The following ATP2C1 variants were observed in gnomAD, a reference collection of about 807,000 sequenced individuals.
ATP2C1 encodes the protein calcium-transporting ATPase type 2C member 1.
In ATP2C1, 31 loss-of-function variants were observed where a neutral mutation model predicts 120.5. The ratio of observed to expected loss-of-function variants is 0.26; its 90% CI spans 0.19 to 0.35. The LOEUF (loss-of-function observed/expected upper bound fraction) is 0.35, where lower values mean the gene tolerates loss of function less well. ATP2C1 is among the 10% of genes least tolerant of loss of function. The pLI is 1.00. For missense variants in ATP2C1, 731 were observed against 1,107.5 expected (o/e 0.66, Z 4.83); for synonymous variants, 351 against 358.7 (o/e 0.98, Z 0.24).
At chr3:131,014,958 G>A (rs1037809655) in intron 26 of ATP2C1, among the ~76,000 whole-genome samples, 2 of 152,192 alleles carry the variant, frequency 1.3e-5, no homozygotes, top group African/African-American at 2.4e-5. Flanking sequence ...CAATCCTGCT[G>A]TTTAAATCAT....
chr3:130,850,923 G>T lies in ATP2C1; in HGVS notation c.103G>T (p.Glu35Ter). The change falls in exon 1 of 27, where the codon GAA becomes TAA. Residue 35 changes from glutamate to a stop codon, truncating the protein, a stop_gained. Coordinates refer to the ATP2C1 transcript ENST00000504381. LOFTEE classifies it high-confidence loss of function. ...GACGCTGAGAAACCAAAGAGCCGAA[G>T]AACAGGTATCATTTTGTTTATATTA... The T allele has an allele frequency of 7.2e-7, 1 of 1,383,694 alleles. No homozygotes were observed. Among genetic ancestry groups the T allele is most frequent in the Non-Finnish European group, 9.4e-7 (1 of 1,067,770 alleles). The allele number at this position is 1,383,694 out of a possible 1,614,324, so 85.7% of individuals were successfully genotyped here. A position where few individuals can be genotyped will look rare whatever the true frequency, so the allele number is the denominator to read the frequency against.
intron 2 of ATP2C1, among the ~76,000 whole-genome samples, chr3:130,921,956 G>C (rs1034169236): frequency 6.6e-6 from 1 of 152,088 alleles, no homozygotes; most frequent in Admixed American, 6.5e-5. Context: ...TTGTTTTGGT[G>C]TTAGGGTGAT....
chr3:130,977,763 C>T (rs1040635622), intron 18 of ATP2C1, among the ~76,000 whole-genome samples: 3 of 152,138 alleles, frequency 2.0e-5, no homozygotes, highest in Non-Finnish European at 4.4e-5. Context: ...CATGTCTTTT[C>T]TTCTTTATCT....
chr3:130,898,460 T>C (rs1350125403), intron 2 of ATP2C1, among the ~76,000 whole-genome samples: 2 of 152,168 alleles, frequency 1.3e-5, no homozygotes, highest in Admixed American at 6.5e-5. Context: ...AACCAGGTTA[T>C]AAAAATATAT....
chr3:130,955,742 G>C, intron 10 of ATP2C1: 1 of 237,910 alleles, frequency 4.2e-6, no homozygotes, highest in South Asian at 5.4e-5. Flanking sequence ...GCATGTTTGT[G>C]GATACCAAAA....
At chr3:130,922,543 G>C (rs2059017346) in intron 2 of ATP2C1, among the ~76,000 whole-genome samples, 2 of 152,106 alleles carry the variant, frequency 1.3e-5, no homozygotes, top group African/African-American at 4.8e-5. Flanking sequence ...CTTGAGGTGT[G>C]ACCTTAGATT....
At position 130,983,338 on chromosome 3, in the gene ATP2C1, T is replaced by G. The variant is rs72985777; in HGVS notation, c.1839+2659T>G. Among the ~76,000 whole-genome samples, 579 of 152,330 alleles carry G rather than the reference T, an allele frequency of 3.8e-3. 2 individuals are homozygous for G. The highest frequency in any genetic ancestry group is 0.013 in the African/African-American group (551 of 41,566). ...AGCCTTATTTCTTAGCAGTGTTAGATTTATAGAATAATTGAGCAGATAACA... is the reference window on the plus strand; with the variant it reads ...AGCCTTATTTCTTAGCAGTGTTAGAGTTATAGAATAATTGAGCAGATAACA... On this transcript the variant is annotated intron_variant, in intron 20 of 27. Coordinates refer to ENST00000510168, the MANE Select transcript of ATP2C1 (RefSeq NM_001378687.1).
Position 130,994,111 on chromosome 3 carries a change from T to A in ATP2C1, c.2057+13T>A. 3 of 1,613,968 alleles carry A rather than the reference T, an allele frequency of 1.9e-6. No homozygotes were observed. The highest frequency in any genetic ancestry group is 2.5e-6 in the Non-Finnish European group (3 of 1,179,870). ...TTCAAACCATAATGTAAGCTTTGTT[T>A]CAGTGAATGCCTATCAGAGAATCTT... On this transcript the variant is annotated intron_variant, in intron 22 of 27. Transcript: ENST00000510168.
At chr3:130,888,147 T>C (rs1317652303) in intron 1 of ATP2C1, among the ~76,000 whole-genome samples, 1 of 152,146 alleles carries the variant, frequency 6.6e-6, no homozygotes, top group Non-Finnish European at 1.5e-5. Context: ...GGGTCTAGCA[T>C]GGGGGCCTCA....
intron 2 of ATP2C1, among the ~76,000 whole-genome samples, chr3:130,902,134 C>T (rs1355418056): frequency 2.0e-5 from 3 of 151,976 alleles, no homozygotes; most frequent in Non-Finnish European, 4.4e-5. Flanking sequence ...ATGACTACTT[C>T]AGGTTTGTTA....
At chr3:130,948,165 A>G (rs572389868) in intron 8 of ATP2C1, among the ~76,000 whole-genome samples, 32 of 152,336 alleles carry the variant, frequency 2.1e-4, no homozygotes, top group African/African-American at 7.5e-4. Context: ...TTATGTCTTC[A>G]TATGGCTTTG....
intron 2 of ATP2C1, among the ~76,000 whole-genome samples, chr3:130,924,675 C>G (rs1290785894): frequency 6.6e-6 from 1 of 152,154 alleles, no homozygotes; most frequent in Non-Finnish European, 1.5e-5. Context: ...TCCAAACTTT[C>G]AAATTTCTTT....
intron 2 of ATP2C1, among the ~76,000 whole-genome samples, chr3:130,924,637 T>G (rs1257757264): frequency 6.6e-6 from 1 of 152,192 alleles, no homozygotes; most frequent in African/African-American, 2.4e-5. Flanking sequence ...CGGGGAAGTT[T>G]TCCTTGATTA....
chr3:130,977,813 G>A (rs910556318), intron 18 of ATP2C1, among the ~76,000 whole-genome samples: 1 of 151,998 alleles, frequency 6.6e-6, no homozygotes, highest in Non-Finnish European at 1.5e-5. Context: ...TGAGATTACC[G>A]TAATGAAGAA....
chr3:130,880,439 A>AGG (rs1290007347), intron 1 of ATP2C1, among the ~76,000 whole-genome samples: 2 of 152,156 alleles, frequency 1.3e-5, no homozygotes, highest in Non-Finnish European at 2.9e-5. Flanking sequence ...ACTATTAAAA[A>AGG]CTTAAAATAT....
intron 22 of ATP2C1, 134 bp downstream of exon 22, chr3:130,994,232 T>C (rs1226918471): frequency 1.3e-5 from 13 of 982,988 alleles, no homozygotes; most frequent in Non-Finnish European, 2.0e-5. Flanking sequence ...TCTAGGGTAA[T>C]TATCCTATTT....
intron 20 of ATP2C1, among the ~76,000 whole-genome samples, chr3:130,981,692 C>A (rs924617010): frequency 6.6e-6 from 1 of 152,146 alleles, no homozygotes; most frequent in African/African-American, 2.4e-5. Context: ...CCTGGAACTT[C>A]TAATAGTCCT....
In ATP2C1 at chr3:130,920,692, C is replaced by T. The variant is rs141877859; in HGVS notation, c.7-9724C>T. Among the ~76,000 whole-genome samples the T allele has an allele frequency of 2.5e-3, 383 of 152,176 alleles. 2 individuals carry two copies. The highest frequency in any genetic ancestry group is 6.5e-3 in the Admixed American group (100 of 15,286). The stretch of plus-strand genomic sequence containing the variant: ...TGTGGTTCCATATGAATTTTAGAAT[C>T]GTTTTTCCATTTCTATAAAAAATAC... On this transcript the variant is annotated intron_variant, in intron 2 of 27. Transcript: ENST00000510168.
chr3:130,901,259 A>AC (rs1487903077), intron 2 of ATP2C1, among the ~76,000 whole-genome samples: 1 of 151,970 alleles, frequency 6.6e-6, no homozygotes, highest in African/African-American at 2.4e-5. Flanking sequence ...ATCCCTCCCC[A>AC]CCCCAGAGAA....
Sources: gnomAD v4.1 joint callset for allele counts (sites outside exome capture counted in the v4.1 genomes callset) on GRCh38, gnomAD v4.1.1 for gene constraint, MANE v1.5 for transcripts, NCBI Gene and HGNC (gene_info 2026-07-23, HGNC 2026-07-21) for gene names.